BRD4: variants seen among roughly 807,000 people sequenced by gnomAD.
BRD4 encodes the protein bromodomain containing 4, also known as bromodomain-containing protein 4.
In BRD4, 16 loss-of-function variants were observed where a neutral mutation model predicts 142.1. The ratio of observed to expected loss-of-function variants is 0.11; its 90% CI spans 0.08 to 0.17. The LOEUF is 0.17. Among genes scored for constraint, BRD4 ranks in the 10% least tolerant of loss-of-function variants. The pLI, the probability that BRD4 is intolerant of heterozygous loss-of-function variation, is 1.00. For synonymous variants in BRD4, 833 were observed against 707.5 expected (o/e 1.18, Z -2.82); for missense variants, 1,424 against 1,810.9 (o/e 0.79, Z 3.88).
chr19:15,327,232 G>A (rs1034493523), intron 1 of BRD4, among the ~76,000 whole-genome samples: 1 of 152,116 alleles, frequency 6.6e-6, no homozygotes, highest in Non-Finnish European at 1.5e-5. Flanking sequence ...ATCTGTCCCA[G>A]AGAAACTAAA....
rs200628536 is a variant in BRD4, at chr19:15,239,679, G to A, written c.3425C>T (p.Ala1142Val). ...EPPKHPESIK[A>V]PVHLPQRPEM... is the part of the protein sequence containing the mutation. ...CTCACGCTGGGGCAGGTGGACGGGG[G>A]CCTTGATGCTCTCCGGGTGCTTGGG... is the stretch of plus-strand genomic sequence containing the variant. Residue 1142 changes from alanine (A) to valine (V), a missense_variant, in exon 16 of 20, where the codon GCC becomes GTC. This residue lies in a region of BRD4 where 598 missense variants were observed against 647.8 expected (regional missense o/e 0.92). Coordinates refer to ENST00000679869, the MANE Select transcript of BRD4 (RefSeq NM_001379291.1). This position sits in a 1 kb window ranked among gnomAD's most constrained non-coding sequence, Gnocchi z 7.4. 4.4e-6 allele frequency: 7 copies of A among 1,585,820 alleles called. No individual in the cohort carries two copies. The highest frequency in any genetic ancestry group is 2.7e-5 in the African/African-American group (2 of 73,884).
intron 1 of BRD4, among the ~76,000 whole-genome samples, chr19:15,326,390 C>T (rs896368771): frequency 5.9e-5 from 9 of 151,826 alleles, no homozygotes; most frequent in African/African-American, 1.9e-4. Context: ...TGGCTTGAAC[C>T]GGGGAGGCAG....
At chr19:15,331,561 G>GCTCC (rs910385131) in intron 1 of BRD4, among the ~76,000 whole-genome samples, 31 of 152,298 alleles carry the variant, frequency 2.0e-4, no homozygotes, top group African/African-American at 7.5e-4. Flanking sequence ...CCAGGGCACC[G>GCTCC]CTCCCGCCCT....
chr19:15,274,058 A>T (rs574306755), intron 1 of BRD4, among the ~76,000 whole-genome samples: 1 of 152,350 alleles, frequency 6.6e-6, no homozygotes, highest in East Asian at 1.9e-4. Flanking sequence ...TTTGCTACAT[A>T]AAGCAACTCC....
Position 15,256,980 on chromosome 19 carries a change from G to A in BRD4, c.1535C>T (p.Ala512Val), listed in dbSNP as rs1268441105. Residue 512 changes from alanine (A) to valine (V), a missense_variant, in exon 8 of 20, where the codon GCT (alanine) becomes GTT (valine). Around this residue, in one of 16 missense-constraint regions of BRD4, gnomAD observed 90 missense variants for 93.2 expected, o/e 0.97. Transcript: ENST00000679869. ...TGCCCTCACCTGCTCCTGGAGCTCA[G>A]CCAGCCGCTGGGCTCGCTCCTCCTC... ...DSEEERAQRLAELQEQLKAVH... is the reference protein window; with the variant it reads ...DSEEERAQRLVELQEQLKAVH... The A allele has an allele frequency of 6.3e-7, 1 of 1,575,910 alleles. No individual in the cohort carries two copies. Among genetic ancestry groups the A allele is most frequent in the South Asian group, 1.2e-5 (1 of 85,916 alleles).
intron 8 of BRD4, 140 bp downstream of exon 8, chr19:15,256,824 G>C: frequency 1.4e-6 from 1 of 715,874 alleles, no homozygotes. Flanking sequence ...CCTAGCAAAG[G>C]GGAAAAGGCC....
At chr19:15,253,751 C>A (rs1223794659) in intron 11 of BRD4, 2 of 1,598,278 alleles carry the variant, frequency 1.3e-6, no homozygotes, top group Non-Finnish European at 1.7e-6. Flanking sequence ...GGGGAAGGCC[C>A]TGGGGACACG....
At chr19:15,307,461 T>C (rs2047924081) in intron 1 of BRD4, among the ~76,000 whole-genome samples, 1 of 152,186 alleles carries the variant, frequency 6.6e-6, no homozygotes, top group African/African-American at 2.4e-5. Flanking sequence ...TCAGTACCAC[T>C]AGTCACAGTG....
chr19:15,288,980 T>C (rs904825952), intron 1 of BRD4, among the ~76,000 whole-genome samples: 1 of 152,232 alleles, frequency 6.6e-6, no homozygotes, highest in Non-Finnish European at 1.5e-5. Flanking sequence ...ACATGAGAGT[T>C]AAACAAAGTC....
At chr19:15,262,730 T>A (rs1177039463) in intron 7 of BRD4, among the ~76,000 whole-genome samples, 2 of 151,448 alleles carry the variant, frequency 1.3e-5, no homozygotes, top group African/African-American at 2.4e-5. Context: ...CTCCAATAAT[T>A]AAAACAAAAA....
chr19:15,305,175 C>T (rs927241190), intron 1 of BRD4, among the ~76,000 whole-genome samples: 3 of 151,928 alleles, frequency 2.0e-5, no homozygotes, highest in Non-Finnish European at 2.9e-5. Flanking sequence ...CCTCAGCCTC[C>T]CAAGTAGCCA....
At chr19:15,280,247 C>T in intron 1 of BRD4, 3 of 1,005,410 alleles carry the variant, frequency 3.0e-6, no homozygotes, top group Non-Finnish European at 3.6e-6. Context: ...CTCTGCTCCA[C>T]AGCTGTCTCC....
At chr19:15,244,142 A>C (rs2047263261) in intron 13 of BRD4, 89 bp downstream of exon 13, 8 of 1,532,560 alleles carry the variant, frequency 5.2e-6, no homozygotes, top group South Asian at 1.2e-5. Flanking sequence ...TGAGGCTAAG[A>C]AGCTGCCCAG....
At chr19:15,321,531 G>A (rs1197331887) in intron 1 of BRD4, among the ~76,000 whole-genome samples, 2 of 151,802 alleles carry the variant, frequency 1.3e-5, no homozygotes, top group African/African-American at 4.8e-5. Context: ...AGCACTACTG[G>A]GAAGACTCAC....
chr19:15,323,278 T>A (rs1230915473), intron 1 of BRD4, among the ~76,000 whole-genome samples: 1 of 150,752 alleles, frequency 6.6e-6, no homozygotes, highest in Non-Finnish European at 1.5e-5. Flanking sequence ...CTACTTTATA[T>A]ATGAAAAACT....
intron 1 of BRD4, among the ~76,000 whole-genome samples, chr19:15,301,277 G>A (rs1286973559): frequency 1.3e-5 from 2 of 152,198 alleles, no homozygotes; most frequent in Admixed American, 6.5e-5. Flanking sequence ...AATCGTTGCT[G>A]AGGAGCCGGA....
chr19:15,273,547 T>C (rs1201044357), intron 1 of BRD4, among the ~76,000 whole-genome samples: 1 of 152,198 alleles, frequency 6.6e-6, no homozygotes, highest in Non-Finnish European at 1.5e-5. Flanking sequence ...ATATGACATT[T>C]ACATTAAAAC....
In BRD4 at chr19:15,244,614, G is replaced by C. The variant is rs1265108914; in HGVS notation, c.2212-14C>G. 2 of 1,611,040 alleles carry C rather than the reference G, an allele frequency of 1.2e-6. No homozygotes were observed. Among genetic ancestry groups the C allele is most frequent in the South Asian group, 1.1e-5 (1 of 90,992 alleles). The stretch of plus-strand genomic sequence containing the variant: ...GTGATGATGGTGCTGCAGACAGAGA[G>C]ACAGACAGACAGACAGGCTGATGTC... On this transcript the variant is annotated splice_polypyrimidine_tract_variant and intron_variant, in intron 12 of 19. Coordinates refer to ENST00000679869, the MANE Select transcript of BRD4 (RefSeq NM_001379291.1).
intron 1 of BRD4, among the ~76,000 whole-genome samples, chr19:15,327,578 T>C (rs2048119872): frequency 6.6e-6 from 1 of 151,922 alleles, no homozygotes; most frequent in Non-Finnish European, 1.5e-5. Flanking sequence ...AGTACACAAA[T>C]GTATTTTTAA....
Sources: allele counts gnomAD v4.1 joint callset (sites outside exome capture counted in the v4.1 genomes callset), GRCh38; gene constraint gnomAD v4.1.1; regional missense constraint gnomAD v4.1.1; non-coding constraint Gnocchi (gnomAD v3.1); transcripts MANE v1.5; gene names NCBI Gene and HGNC (gene_info 2026-07-23, HGNC 2026-07-21).